Variants in TTF2 observed in about 807,000 individuals in gnomAD.
The protein encoded by TTF2 is transcription termination factor 2.
In TTF2, 108 loss-of-function variants were observed where a neutral mutation model predicts 142.4. The ratio of observed to expected loss-of-function variants is 0.76; its 90% CI spans 0.65 to 0.89. TTF2 has a LOEUF of 0.89. TTF2 is among the 40% of genes least tolerant of loss of function. The pLI, the probability that TTF2 is intolerant of heterozygous loss-of-function variation, is 0.00. For missense variants in TTF2, 1,327 were observed against 1,379.8 expected (o/e 0.96, Z 0.61); for synonymous variants, 483 against 506.2 (o/e 0.95, Z 0.61).
At chr1:117,088,159 G>A (rs1438294471) in intron 12 of TTF2, among the ~76,000 whole-genome samples, 1 of 152,188 alleles carries the variant, frequency 6.6e-6, no homozygotes, top group Non-Finnish European at 1.5e-5. Context: ...TTTAGTAAAT[G>A]TTTTATTGAG....
Position 117,076,308 on chromosome 1 carries a change from T to C in TTF2, c.1390+14T>C. On this transcript the variant is annotated intron_variant, in intron 6 of 22. Transcript: ENST00000369466. This position sits in a 1 kb window ranked among gnomAD's most constrained non-coding sequence, Gnocchi z 4.6. ...CCCCAGAGCAAGGTAAAGTGGCTTA[T>C]GCCTCAGAACTCCGGGTTTGCATCG... 1.2e-6 allele frequency: 2 copies of C among 1,606,492 alleles called. No homozygotes were observed. Among genetic ancestry groups the C allele is most frequent in the Non-Finnish European group, 8.5e-7 (1 of 1,174,292 alleles).
intron 3 of TTF2, among the ~76,000 whole-genome samples, chr1:117,065,431 T>C (rs1656015089): frequency 6.6e-6 from 1 of 152,160 alleles, no homozygotes; most frequent in South Asian, 2.1e-4. Context: ...ACCCCATCTC[T>C]ACTAAAAATA....
At position 117,105,146 on chromosome 1, in the gene TTF2, G is replaced by A. The variant is rs1649850275; in HGVS notation, c.*3622G>A. The A allele has an allele frequency of 6.6e-6, 1 of 152,206 alleles. No individual in the cohort carries two copies. The highest frequency in any genetic ancestry group is 1.5e-5 in the Non-Finnish European group (1 of 68,048). 9.4% of individuals were successfully genotyped at this position (152,206 alleles called of 1,614,324 possible). ...AGGTAATAAATGCTTTGAAAACCAT[G>A]AAGGGCCACACAAGTGCTAGTGTTA... is the stretch of plus-strand genomic sequence containing the variant. On this transcript the variant is annotated 3_prime_UTR_variant, in exon 23 of 23. Coordinates refer to ENST00000369466, the MANE Select transcript of TTF2 (RefSeq NM_003594.4). This position sits in a 1 kb window ranked among gnomAD's most constrained non-coding sequence, Gnocchi z 4.7.
At chr1:117,067,524 CAAAAAAAAA>C (rs1161287519) in intron 3 of TTF2, among the ~76,000 whole-genome samples, 1 of 40,962 alleles carries the variant, frequency 2.4e-5, no homozygotes, top group Non-Finnish European at 5.5e-5. Flanking sequence ...GACTCAGTCT[CAAAAAAAAA>C]AAAAAAAAAA....
rs1204914618 is a variant in TTF2, at chr1:117,092,451, C to A, written c.2806-280C>A. Among the ~76,000 whole-genome samples the A allele has an allele frequency of 6.6e-6, 1 of 152,118 alleles. No individual in the cohort carries two copies. Among genetic ancestry groups the A allele is most frequent in the Non-Finnish European group, 1.5e-5 (1 of 68,026 alleles). ...ATTTAAGGAGCTGTAATAATGTATT[C>A]TGATTATCAACATCTCAATTATATT... is the stretch of plus-strand genomic sequence containing the variant. On this transcript the variant is annotated intron_variant, in intron 17 of 22. Transcript: ENST00000369466. This position sits in a 1 kb window ranked among gnomAD's most constrained non-coding sequence, Gnocchi z 4.4.
In TTF2 at chr1:117,106,519, A is replaced by G. The variant is rs909637774; in HGVS notation, c.*4995A>G. 1.3e-5 allele frequency: 2 copies of G among 152,228 alleles called. No individual in the cohort carries two copies. Among genetic ancestry groups the G allele is most frequent in the Admixed American group, 6.5e-5 (1 of 15,282 alleles). The allele number at this position is 152,228 out of a possible 1,614,324, so 9.4% of individuals were successfully genotyped here. On this transcript the variant is annotated 3_prime_UTR_variant, in exon 23 of 23. Transcript: ENST00000369466. ...TATGCCAGGCACTGCTGGGCACTGG[A>G]AATATAAAAGTAAGCAAAAATGAAA...
rs1649384291 is a variant in TTF2, at chr1:117,099,071, G to T, written c.3344+164G>T. Among the ~76,000 whole-genome samples the T allele has an allele frequency of 6.6e-6, 1 of 152,058 alleles. No individual in the cohort carries two copies. The highest frequency in any genetic ancestry group is 6.5e-5 in the Admixed American group (1 of 15,272). On this transcript the variant is annotated intron_variant, in intron 22 of 22. Transcript: ENST00000369466. The surrounding 1 kb of genome is among the most constrained non-coding windows in gnomAD (Gnocchi z 4.3). The stretch of plus-strand genomic sequence containing the variant: ...GGCAAACCACAGTCAGGAGAAAAAC[G>T]AGCAATTTGGGGTAAGCTTGAAGTT...
At chr1:117,082,371 C>T (rs986434137) in intron 10 of TTF2, among the ~76,000 whole-genome samples, 2 of 152,146 alleles carry the variant, frequency 1.3e-5, no homozygotes, top group Admixed American at 6.5e-5. Flanking sequence ...CACCACCACA[C>T]CCAGCTAATT....
At chr1:117,088,337 A>T (rs1648215709) in intron 12 of TTF2, among the ~76,000 whole-genome samples, 1 of 152,142 alleles carries the variant, frequency 6.6e-6, no homozygotes, top group Non-Finnish European at 1.5e-5. Context: ...GGAGATCGAG[A>T]CCATCCTGGC....
Position 117,085,976 on chromosome 1 carries a change from T to C in TTF2, c.2055-441T>C, listed in dbSNP as rs978296905. On this transcript the variant is annotated intron_variant, in intron 11 of 22. Transcript: ENST00000369466. The surrounding 1 kb of genome is among the most constrained non-coding windows in gnomAD (Gnocchi z 4.7). ...TACAAGGTGAACAGTGTTTTGAAGT[T>C]ATCTTTCTCCCCTGGGACTTTGGTG... Among the ~76,000 whole-genome samples the C allele has an allele frequency of 2.6e-5, 4 of 152,192 alleles. No homozygotes were observed. The highest frequency in any genetic ancestry group is 9.6e-5 in the African/African-American group (4 of 41,462).
rs1481632689 is a variant in TTF2 at position 117,075,140 on chromosome 1, A to G, written c.556A>G (p.Lys186Glu). Reference protein sequence around the residue: ...KDLSSGLVPKKKQSVVQEKKQ... With the variant: ...KDLSSGLVPKEKQSVVQEKKQ... The stretch of plus-strand genomic sequence containing the variant: ...CCTCTCATCTGGCCTGGTACCAAAG[A>G]AAAAACAATCTGTAGTTCAAGAGAA... Residue 186 changes from lysine (K) to glutamate (E), a missense_variant, in exon 5 of 23, where the codon AAA becomes GAA. Transcript: ENST00000369466. This position sits in a 1 kb window ranked among gnomAD's most constrained non-coding sequence, Gnocchi z 4.5. The G allele has an allele frequency of 1.2e-6, 2 of 1,614,114 alleles. No individual in the cohort carries two copies. The highest frequency in any genetic ancestry group is 1.7e-5 in the Admixed American group (1 of 60,014).
In TTF2 at chr1:117,090,520, T is replaced by C. The variant is rs1648474193; in HGVS notation, c.2497-12T>C. ...TATAGCTTCATGCCAGCTTTTTTTT[T>C]TATTCTTCCAGGTGATACTGCCCCA... On this transcript the variant is annotated splice_polypyrimidine_tract_variant and intron_variant, in intron 14 of 22. Coordinates refer to ENST00000369466, the MANE Select transcript of TTF2 (RefSeq NM_003594.4). This position sits in a 1 kb window ranked among gnomAD's most constrained non-coding sequence, Gnocchi z 4.8. 5 of 1,606,686 alleles carry C rather than the reference T, an allele frequency of 3.1e-6. No individual in the cohort carries two copies. In the Middle Eastern group the frequency reaches 5.0e-4, roughly 160 times the overall value.
rs1275783636 is a variant in TTF2 at position 117,093,658 on chromosome 1, AT to A, written c.2976+760del. On this transcript the variant is annotated intron_variant, in intron 18 of 22. Coordinates refer to ENST00000369466, the MANE Select transcript of TTF2 (RefSeq NM_003594.4). This position sits in a 1 kb window ranked among gnomAD's most constrained non-coding sequence, Gnocchi z 4.5. ...TGCCTTTTAATTAAAATTTGAAAAC[AT>A]TTACCTAGGTCTTTACCACTGATAG... Among the ~76,000 whole-genome samples, 1 of 152,192 alleles carries A rather than the reference AT, an allele frequency of 6.6e-6. No homozygotes were observed. The highest frequency in any genetic ancestry group is 1.5e-5 in the Non-Finnish European group (1 of 68,034).
Position 117,086,351 on chromosome 1 carries a change from C to A in TTF2, c.2055-66C>A. The A allele has an allele frequency of 8.4e-7, 1 of 1,185,872 alleles. No individual in the cohort carries two copies. The highest frequency in any genetic ancestry group is 1.3e-5 in the South Asian group (1 of 78,546). 73.5% of individuals were successfully genotyped at this position (1,185,872 alleles called of 1,614,324 possible). ...GTAGGCATTTTTATTGAAAGATCAA[C>A]TCTGCCTCTCTCATTGTCCCTCTAT... On this transcript the variant is annotated intron_variant, in intron 11 of 22. Transcript: ENST00000369466. The surrounding 1 kb of genome is among the most constrained non-coding windows in gnomAD (Gnocchi z 4.2).
Position 117,088,987 on chromosome 1 carries a change from G to C in TTF2, c.2342+5G>C. On this transcript the variant is annotated splice_donor_5th_base_variant and intron_variant, in intron 13 of 22. Coordinates refer to ENST00000369466, the MANE Select transcript of TTF2 (RefSeq NM_003594.4). ...GGATATGTATTCGCTGCTGAAGTGA[G>C]TAACTTCTCGTGATTGTGTAAATAT... 6.3e-7 allele frequency: 1 copy of C among 1,597,186 alleles called. No individual in the cohort carries two copies. The highest frequency in any genetic ancestry group is 8.5e-7 in the Non-Finnish European group (1 of 1,172,192).
rs1649237844 is a variant in TTF2 at position 117,097,351 on chromosome 1, G to A, written c.3187G>A (p.Val1063Ile). 2.5e-6 allele frequency: 4 copies of A among 1,614,082 alleles called. No individual in the cohort carries two copies. Among genetic ancestry groups the A allele is most frequent in the Non-Finnish European group, 3.4e-6 (4 of 1,179,940 alleles). The change falls in exon 21 of 23, where the codon GTA becomes ATA. Residue 1063 changes from valine to isoleucine, a missense_variant and splice_region_variant. Val to Ile is a conservative substitution (Grantham distance 29). Transcript: ENST00000369466. The surrounding 1 kb of genome is among the most constrained non-coding windows in gnomAD (Gnocchi z 4.1). ...EAFNHSRGPQ[V>I]MLISLLAGGV... is the part of the protein sequence containing the mutation. ...GTTAATGTTGTGTTTCCTTTTGAAG[G>A]TAATGCTAATCTCTCTCTTGGCCGG...
chr1:117,083,847 A>G (rs893029155), intron 10 of TTF2, among the ~76,000 whole-genome samples, 171 bp from the exon 11 acceptor site: 1 of 152,148 alleles, frequency 6.6e-6, no homozygotes, highest in Non-Finnish European at 1.5e-5. Flanking sequence ...AAACACGATG[A>G]CTCACACCTG....
intron 15 of TTF2, 87 bp from the exon 16 acceptor site, chr1:117,091,241 A>T: frequency 9.3e-7 from 1 of 1,073,292 alleles, no homozygotes; most frequent in Non-Finnish European, 1.3e-6. Context: ...AGTCTTCTAT[A>T]ATTTGTCAAG....
At chr1:117,061,575 G>A (rs1004046958) in intron 2 of TTF2, among the ~76,000 whole-genome samples, 7 of 152,166 alleles carry the variant, frequency 4.6e-5, no homozygotes, top group African/African-American at 1.7e-4. Flanking sequence ...TCTGTTTCAT[G>A]AGTTAGATGA....
Sources: allele counts gnomAD v4.1 joint callset (sites outside exome capture counted in the v4.1 genomes callset), GRCh38; gene constraint gnomAD v4.1.1; non-coding constraint Gnocchi (gnomAD v3.1); transcripts MANE v1.5; gene names NCBI Gene and HGNC (gene_info 2026-07-23, HGNC 2026-07-21).